The following PCDHGA3 variants were observed in gnomAD, a reference collection of about 807,000 sequenced individuals.
PCDHGA3 encodes the protein protocadherin gamma-A3.
Under a neutral mutation model 58.5 loss-of-function variants are expected in PCDHGA3, and 40 were observed. The observed-to-expected ratio is 0.68, with a 90% CI of 0.53 to 0.89. The LOEUF (loss-of-function observed/expected upper bound fraction) is 0.89, where lower values mean the gene tolerates loss of function less well. Ranked by LOEUF, PCDHGA3 falls within the 40% of genes least tolerant of loss-of-function variation. The pLI, the probability that PCDHGA3 is intolerant of heterozygous loss-of-function variation, is 0.00. For synonymous variants in PCDHGA3, 530 were observed against 525.7 expected (o/e 1.01, Z -0.11); for missense variants, 1,223 against 1,195.9 (o/e 1.02, Z -0.33).
intron 1 of PCDHGA3, among the ~76,000 whole-genome samples, chr5:141,465,824 T>A (rs1447359333): frequency 6.6e-6 from 1 of 152,076 alleles, no homozygotes; most frequent in Non-Finnish European, 1.5e-5. Context: ...ATCACATTTG[T>A]TTAAAATTTC....
At chr5:141,388,083 C>G in intron 1 of PCDHGA3, 9 of 1,358,266 alleles carry the variant, frequency 6.6e-6, no homozygotes, top group Non-Finnish European at 9.1e-6. Context: ...TCGAAAACTG[C>G]GCGTCAGTTC....
chr5:141,408,446 G>C (rs371079756), intron 1 of PCDHGA3: 180 of 1,613,946 alleles, frequency 1.1e-4, no homozygotes, highest in Non-Finnish European at 1.5e-4. Context: ...CGCGGAGAGC[G>C]GGGACTTACT....
Position 141,491,930 on chromosome 5 carries a change from G to A in PCDHGA3, c.2425-2877G>A, listed in dbSNP as rs2099735399. On this transcript the variant is annotated intron_variant, in intron 1 of 3. Transcript: ENST00000253812. The surrounding 1 kb of genome is among the most constrained non-coding windows in gnomAD (Gnocchi z 6.9). ...GTGGCGACTGTGGGCGAGGGGAGGT[G>A]GGACCGACCCCCACCCCTACACTCA... 1.6e-6 allele frequency: 2 copies of A among 1,276,580 alleles called. No homozygotes were observed. The highest frequency in any genetic ancestry group is 2.1e-6 in the Non-Finnish European group (2 of 943,112). 79.1% of individuals were successfully genotyped at this position (1,276,580 alleles called of 1,614,324 possible).
chr5:141,462,998 C>A (rs562002585), intron 1 of PCDHGA3, among the ~76,000 whole-genome samples: 3 of 152,190 alleles, frequency 2.0e-5, no homozygotes, highest in Admixed American at 2.0e-4. Context: ...CTAATTTAGA[C>A]CTACCACTTA....
intron 1 of PCDHGA3, chr5:141,370,596 G>C: frequency 6.2e-7 from 1 of 1,613,936 alleles, no homozygotes; most frequent in Non-Finnish European, 8.5e-7. Flanking sequence ...GAACCTGCGG[G>C]TTATTGCAGA....
intron 1 of PCDHGA3, chr5:141,388,947 A>T: frequency 6.2e-7 from 1 of 1,614,054 alleles, no homozygotes; most frequent in Non-Finnish European, 8.5e-7. Context: ...CAACCTAATT[A>T]TGGAGGACGC....
intron 1 of PCDHGA3, chr5:141,364,139 G>A: frequency 2.0e-6 from 1 of 499,708 alleles, no homozygotes; most frequent in Admixed American, 3.8e-5. Flanking sequence ...TGACCAAAGT[G>A]GGAAAGAAGC....
rs150123769 is a variant in PCDHGA3 at position 141,361,160 on chromosome 5, A to T, written c.2424+14703A>T. ...CAAGTTGAAATTCTTGATGACAACG[A>T]TTGTGCACCTGAAGTTATTGTGACT... On this transcript the variant is annotated intron_variant, in intron 1 of 3. Coordinates refer to ENST00000253812, the MANE Select transcript of PCDHGA3 (RefSeq NM_018916.4). 21 of 1,613,952 alleles carry T rather than the reference A, an allele frequency of 1.3e-5. 1 individual carries two copies. In the African/African-American group the frequency reaches 2.3e-4, roughly 17 times the overall value.
chr5:141,391,910 CAT>C (rs2092442264), intron 1 of PCDHGA3: 2 of 152,134 alleles, frequency 1.3e-5, no homozygotes, highest in African/African-American at 4.8e-5. Context: ...TGCTTTTTAT[CAT>C]ATATTCATCT....
chr5:141,404,787 G>A (rs1561696267), intron 1 of PCDHGA3: 23 of 1,613,988 alleles, frequency 1.4e-5, no homozygotes, highest in Non-Finnish European at 1.9e-5. Context: ...TTCAAGGCCA[G>A]TGAGCCAGGG....
At chr5:141,468,330 C>CAAAAAAAAAAAA (rs533390277) in intron 1 of PCDHGA3, 1 of 79,864 alleles carries the variant, frequency 1.3e-5, no homozygotes, top group African/African-American at 3.9e-5. Context: ...AACTCCATCT[C>CAAAAAAAAAAAA]AAAAAAAAAA....
intron 1 of PCDHGA3, among the ~76,000 whole-genome samples, chr5:141,453,310 T>C (rs566320120): frequency 6.6e-6 from 1 of 152,044 alleles, no homozygotes; most frequent in South Asian, 2.1e-4. Context: ...TTTATTTATT[T>C]ATTTTAGAGA....
chr5:141,417,899 C>G lies in PCDHGA3; in HGVS notation c.2424+71442C>G, dbSNP rs781294504. On this transcript the variant is annotated intron_variant, in intron 1 of 3. Transcript: ENST00000253812. ...CGCGCAGAGGCGCCGGGCCGGCCCG[C>G]GGCAGGTACTATTTCCTTTGCTGCT... 2.0e-5 allele frequency: 31 copies of G among 1,581,354 alleles called. 2 individuals carry two copies. In the South Asian group the frequency reaches 3.4e-4, roughly 17 times the overall value.
intron 1 of PCDHGA3, chr5:141,399,615 A>G (rs756068630): frequency 1.2e-6 from 2 of 1,613,942 alleles, no homozygotes; most frequent in South Asian, 1.1e-5. Context: ...AGCCTCTGGC[A>G]CTGGCCTCTT....
intron 1 of PCDHGA3, chr5:141,403,102 G>A (rs765706858): frequency 9.3e-6 from 15 of 1,613,928 alleles, no homozygotes; most frequent in Non-Finnish European, 1.3e-5. Flanking sequence ...ACATCTCCAA[G>A]GACCTGGCTC....
In PCDHGA3 at chr5:141,503,070, G is replaced by A. The variant is rs868143537; in HGVS notation, c.2484-2323G>A. 1.5e-4 allele frequency among the ~76,000 whole-genome samples: 23 copies of A among 151,614 alleles called. No individual in the cohort carries two copies. The Middle Eastern group carries it at 0.01, about 68-fold the overall frequency. On this transcript the variant is annotated intron_variant, in intron 2 of 3. Coordinates refer to ENST00000253812, the MANE Select transcript of PCDHGA3 (RefSeq NM_018916.4). ...GGGTTTCACCATGTTGGTCAGAATGGTCTCGATCTCCTGACCTCGTGGTCT... is the reference window on the plus strand; with the variant it reads ...GGGTTTCACCATGTTGGTCAGAATGATCTCGATCTCCTGACCTCGTGGTCT...
At chr5:141,433,358 C>CCTAG (rs1554125965) in intron 1 of PCDHGA3, 2 of 498,106 alleles carry the variant, frequency 4.0e-6, no homozygotes, top group African/African-American at 4.2e-5. Flanking sequence ...CTACTGTCTG[C>CCTAG]CTATCTATCT....
At chr5:141,379,728 G>A (rs1775778672) in intron 1 of PCDHGA3, 1 of 152,020 alleles carries the variant, frequency 6.6e-6, no homozygotes, top group African/African-American at 2.4e-5. Flanking sequence ...AATTTGCTAA[G>A]TTATGGCTAA....
Position 141,432,195 on chromosome 5 carries a change from C to A in PCDHGA3, c.2425-62612C>A, listed in dbSNP as rs1334965321. ...CTCGTCTCTGTGACCGCCCACGACC[C>A]CGACTGTGAAGAGAACGCCCAGATC... On this transcript the variant is annotated intron_variant, in intron 1 of 3. Transcript: ENST00000253812. This position sits in a 1 kb window ranked among gnomAD's most constrained non-coding sequence, Gnocchi z 6.0. 22 of 1,614,088 alleles carry A rather than the reference C, an allele frequency of 1.4e-5. No homozygotes were observed. The highest frequency in any genetic ancestry group is 1.9e-5 in the Non-Finnish European group (22 of 1,180,058).
Sources: allele counts gnomAD v4.1 joint callset (sites outside exome capture counted in the v4.1 genomes callset), GRCh38; gene constraint gnomAD v4.1.1; non-coding constraint Gnocchi (gnomAD v3.1); transcripts MANE v1.5; gene names NCBI Gene and HGNC (gene_info 2026-07-23, HGNC 2026-07-21).